ALX4: variants seen among roughly 807,000 people sequenced by gnomAD.
ALX4 encodes the protein ALX homeobox 4.
ALX4 carries 22 observed loss-of-function variants against 40.6 expected under a neutral mutation model. That is an observed-to-expected ratio of 0.54 (90% CI 0.39 to 0.77). The LOEUF is 0.77. Ranked by LOEUF, ALX4 falls within the 30% of genes least tolerant of loss-of-function variation. The probability of loss-of-function intolerance (pLI) is 0.00; values close to 1 mark genes in which losing one functional copy is unlikely to be tolerated. For missense variants in ALX4, 556 were observed against 564.8 expected (o/e 0.98, Z 0.16); for synonymous variants, 266 against 240.5 (o/e 1.11, Z -0.98).
chr11:44,270,996 A>AC (rs1023694824), intron 2 of ALX4, among the ~76,000 whole-genome samples: 1 of 152,168 alleles, frequency 6.6e-6, no homozygotes, highest in African/African-American at 2.4e-5. Flanking sequence ...GCAGGGCCAA[A>AC]CCCTAGGCTT....
chr11:44,267,347 G>A (rs1956219338), intron 3 of ALX4, 147 bp downstream of exon 3: 18 of 1,065,916 alleles, frequency 1.7e-5, no homozygotes, highest in Non-Finnish European at 2.4e-5. Flanking sequence ...CCACACTCTG[G>A]TATAAACAGG....
chr11:44,286,827 C>T (rs1007131084), intron 1 of ALX4, among the ~76,000 whole-genome samples: 15 of 152,132 alleles, frequency 9.9e-5, no homozygotes, highest in Non-Finnish European at 1.9e-4. Context: ...AGTGAGGCGC[C>T]GAGAGAAGGG....
chr11:44,303,321 T>C (rs1209626638), intron 1 of ALX4, among the ~76,000 whole-genome samples: 1 of 152,194 alleles, frequency 6.6e-6, no homozygotes, highest in Non-Finnish European at 1.5e-5. Flanking sequence ...GCCCCCAATG[T>C]GCAGCGGCGC....
At chr11:44,266,985 T>C (rs1956217109) in intron 3 of ALX4, among the ~76,000 whole-genome samples, 1 of 152,214 alleles carries the variant, frequency 6.6e-6, no homozygotes, top group Non-Finnish European at 1.5e-5. Flanking sequence ...GCAGATGCTT[T>C]TACCATGTCC....
intron 1 of ALX4, among the ~76,000 whole-genome samples, chr11:44,297,829 C>T (rs1956412144): frequency 6.6e-6 from 1 of 152,204 alleles, no homozygotes; most frequent in Admixed American, 6.5e-5. Context: ...CACACACTTG[C>T]TTCATGTTCT....
At chr11:44,306,996 TC>T (rs1195067078) in intron 1 of ALX4, among the ~76,000 whole-genome samples, 4 of 152,158 alleles carry the variant, frequency 2.6e-5, no homozygotes. Flanking sequence ...GAGCAGTGCC[TC>T]CATCTTAGGC....
chr11:44,272,768 C>G (rs1956255979), intron 2 of ALX4, among the ~76,000 whole-genome samples: 1 of 152,066 alleles, frequency 6.6e-6, no homozygotes, highest in Admixed American at 6.5e-5. Context: ...AAGATCACAC[C>G]ACTGCACTCC....
At chr11:44,282,490 T>C (rs751331720) in intron 1 of ALX4, among the ~76,000 whole-genome samples, 2 of 152,130 alleles carry the variant, frequency 1.3e-5, no homozygotes, top group Non-Finnish European at 2.9e-5. Flanking sequence ...AAATAATGAC[T>C]TATTTTAAGA....
At chr11:44,296,111 G>A (rs929939224) in intron 1 of ALX4, among the ~76,000 whole-genome samples, 1 of 152,190 alleles carries the variant, frequency 6.6e-6, no homozygotes, top group African/African-American at 2.4e-5. Context: ...TCATTCAGGG[G>A]CCAGATAGAC....
intron 1 of ALX4, among the ~76,000 whole-genome samples, chr11:44,293,547 C>T (rs1210319457): frequency 1.3e-5 from 2 of 152,240 alleles, no homozygotes; most frequent in African/African-American, 4.8e-5. Context: ...GGATCCCCTG[C>T]AACGGGATAG....
rs200895706 is a variant in ALX4 at position 44,309,631 on chromosome 11, G to A, written c.432C>T (p.Ser144=). ...GAACCTGCAAGGCCGCGCTGTGGCC[G>A]CTGCTGCCTTCCTGGAGTTTGAGGC... ...DGSLKLQEGS[S]GHSAALQVPC... is the part of the protein sequence containing the mutation. The change falls in exon 1 of 4, where the codon AGC becomes AGT. Residue 144 remains serine, a synonymous_variant. Transcript: ENST00000652299. 22 of 1,590,588 alleles carry A rather than the reference G, an allele frequency of 1.4e-5. No homozygotes were observed. The highest frequency in any genetic ancestry group is 9.0e-5 in the South Asian group (8 of 89,358).
rs563081740 is a variant in ALX4, at chr11:44,264,718, G to A, written c.*136C>T. ...GTCCACGGGGCCTCAGACTTGGGGC[G>A]GCTGAAAGTGCTGAGGGTCAGGCCC... On this transcript the variant is annotated 3_prime_UTR_variant, in exon 4 of 4. Coordinates refer to ENST00000652299, the MANE Select transcript of ALX4 (RefSeq NM_021926.4). 1.5e-5 allele frequency: 15 copies of A among 980,696 alleles called. No individual in the cohort carries two copies. The highest frequency in any genetic ancestry group is 8.2e-5 in the South Asian group (5 of 60,732). The allele number at this position is 980,696 out of a possible 1,614,324, so 60.7% of individuals were successfully genotyped here.
intron 1 of ALX4, among the ~76,000 whole-genome samples, chr11:44,283,724 C>T (rs1956322828): frequency 6.6e-6 from 1 of 152,164 alleles, no homozygotes. Context: ...CCACCACACC[C>T]CGCTCATTTT....
In ALX4 at chr11:44,302,972, C is replaced by T. The variant is rs80069602; in HGVS notation, c.466+6625G>A. Among the ~76,000 whole-genome samples, 364 of 152,268 alleles carry T rather than the reference C, an allele frequency of 2.4e-3. 3 individuals carry two copies. Among genetic ancestry groups the T allele is most frequent in the African/African-American group, 7.9e-3 (329 of 41,540 alleles). On this transcript the variant is annotated intron_variant, in intron 1 of 3. Transcript: ENST00000652299. ...TTTCATACAGCTAAAATTCAGACCC[C>T]GGAGCAGAACATACTTCTCCAAGGC...
At position 44,309,916 on chromosome 11, in the gene ALX4, C is replaced by T. The variant is rs770503138; in HGVS notation, c.147G>A (p.Ser49=). 1 of 1,590,550 alleles carries T rather than the reference C, an allele frequency of 6.3e-7. No homozygotes were observed. The highest frequency in any genetic ancestry group is 8.6e-7 in the Non-Finnish European group (1 of 1,168,190). The change falls in exon 1 of 4, where the codon TCG becomes TCA. Residue 49 remains serine (S), a synonymous_variant. Transcript: ENST00000652299. ...GGDKFGTTFL[S]AAAKAQGFGD... ...CGAATCCCTGTGCTTTGGCGGCGGC[C>T]GACAGGAAAGTTGTGCCGAACTTGT... is the stretch of plus-strand genomic sequence containing the variant.
Position 44,266,075 on chromosome 11 carries a change from G to A in ALX4, c.907-892C>T, listed in dbSNP as rs187893907. Among the ~76,000 whole-genome samples, 778 of 152,264 alleles carry A rather than the reference G, an allele frequency of 5.1e-3. 2 individuals carry two copies. The highest frequency in any genetic ancestry group is 9.0e-3 in the African/African-American group (373 of 41,548). ...TCCTGCATGTGTCTGGAGCACACTC[G>A]AGGGAGGCATTTTAAAGCAGGGAGA... On this transcript the variant is annotated intron_variant, in intron 3 of 3. Coordinates refer to ENST00000652299, the MANE Select transcript of ALX4 (RefSeq NM_021926.4).
At chr11:44,290,854 A>G (rs1956364767) in intron 1 of ALX4, among the ~76,000 whole-genome samples, 1 of 152,190 alleles carries the variant, frequency 6.6e-6, no homozygotes, top group African/African-American at 2.4e-5. Flanking sequence ...ACTGAAGTAG[A>G]GTGCAAGACG....
chr11:44,287,195 G>A (rs1015417323), intron 1 of ALX4, among the ~76,000 whole-genome samples: 1 of 152,240 alleles, frequency 6.6e-6, no homozygotes, highest in Non-Finnish European at 1.5e-5. Flanking sequence ...AATGGCAGGG[G>A]TGAGTGGGGA....
rs560975369 is a variant in ALX4, at chr11:44,298,921, C to A, written c.466+10676G>T. Among the ~76,000 whole-genome samples the A allele has an allele frequency of 2.6e-5, 4 of 152,324 alleles. No individual in the cohort carries two copies. In the South Asian group the frequency reaches 8.3e-4, roughly 32 times the overall value. ...GTGGAAAGACTTACAGAGTTCCTAGCATGTTCCCCTCCTGTAAGATCCCTT... is the reference window on the plus strand; with the variant it reads ...GTGGAAAGACTTACAGAGTTCCTAGAATGTTCCCCTCCTGTAAGATCCCTT... On this transcript the variant is annotated intron_variant, in intron 1 of 3. Transcript: ENST00000652299.
Sources: gnomAD v4.1 joint callset for allele counts (sites outside exome capture counted in the v4.1 genomes callset) on GRCh38, gnomAD v4.1.1 for gene constraint, MANE v1.5 for transcripts, NCBI Gene and HGNC (gene_info 2026-07-23, HGNC 2026-07-21) for gene names.